The following CSMD1 variants were observed in gnomAD, a reference collection of about 807,000 sequenced individuals.
CSMD1 encodes CUB and sushi domain-containing protein 1.
CSMD1 carries 213 observed loss-of-function variants against 417.5 expected under a neutral mutation model. The ratio of observed to expected loss-of-function variants is 0.51; its 90% CI spans 0.46 to 0.57. CSMD1 has a LOEUF of 0.57. CSMD1 is among the 20% of genes least tolerant of loss of function. The pLI is 0.00. For missense variants in CSMD1, 6,923 were observed against 4,529.7 expected (o/e 1.53, Z -15.17); for synonymous variants, 2,862 against 1,736.8 (o/e 1.65, Z -16.11).
chr8:4,804,512 G>C (rs1292395503), intron 1 of CSMD1, among the ~76,000 whole-genome samples: 1 of 149,120 alleles, frequency 6.7e-6, no homozygotes, highest in Non-Finnish European at 1.5e-5. Context: ...ATTACCACCA[G>C]ACAAAAGAAT....
chr8:4,535,920 T>C (rs1343110016), intron 2 of CSMD1, among the ~76,000 whole-genome samples: 1 of 152,208 alleles, frequency 6.6e-6, no homozygotes, highest in Non-Finnish European at 1.5e-5. Flanking sequence ...TTGTTGATGT[T>C]TATAATAAGA....
chr8:4,312,411 G>GTA (rs1798671545), intron 3 of CSMD1, among the ~76,000 whole-genome samples: 2 of 102,572 alleles, frequency 1.9e-5, no homozygotes, highest in East Asian at 2.0e-4. Flanking sequence ...ATATATGCGT[G>GTA]TATATATATG....
At chr8:3,739,079 T>C (rs533819806) in intron 6 of CSMD1, among the ~76,000 whole-genome samples, 10 of 152,354 alleles carry the variant, frequency 6.6e-5, no homozygotes, top group Admixed American at 1.3e-4. Context: ...ACAGGTTTAA[T>C]TTCAAAATAG....
intron 3 of CSMD1, among the ~76,000 whole-genome samples, chr8:4,331,119 T>C (rs896606643): frequency 3.3e-5 from 5 of 152,192 alleles, no homozygotes; most frequent in African/African-American, 4.8e-5. Flanking sequence ...TGAAAATATA[T>C]TTCCCGAAAC....
intron 6 of CSMD1, among the ~76,000 whole-genome samples, chr8:3,719,927 C>T (rs1381608441): frequency 6.6e-6 from 1 of 152,140 alleles, no homozygotes; most frequent in African/African-American, 2.4e-5. Flanking sequence ...GCCTCTAAAT[C>T]GCAGATTCCT....
intron 7 of CSMD1, among the ~76,000 whole-genome samples, chr8:3,634,503 C>A (rs910202599): frequency 6.6e-6 from 1 of 152,200 alleles, no homozygotes; most frequent in East Asian, 1.9e-4. Flanking sequence ...TTTGAACCTG[C>A]TGTCTCCCGG....
chr8:4,646,272 G>A (rs1391799816), intron 1 of CSMD1, among the ~76,000 whole-genome samples: 1 of 151,966 alleles, frequency 6.6e-6, no homozygotes. Flanking sequence ...TGTATGTCAG[G>A]TATTTATTTA....
intron 5 of CSMD1, among the ~76,000 whole-genome samples, chr8:3,854,642 T>C (rs905126774): frequency 4.0e-5 from 6 of 151,480 alleles, no homozygotes; most frequent in African/African-American, 1.2e-4. Context: ...CCTTATGATA[T>C]AGAATCTGGA....
chr8:3,308,435 G>A lies in CSMD1; in HGVS notation c.3700C>T (p.His1234Tyr). The A allele has an allele frequency of 6.2e-7, 1 of 1,613,782 alleles. No individual in the cohort carries two copies. The highest frequency in any genetic ancestry group is 8.5e-7 in the Non-Finnish European group (1 of 1,179,788). Residue 1234 changes from histidine to tyrosine, a missense_variant, in exon 24 of 70, where the codon CAC becomes TAC. His to Tyr is a moderately conservative substitution (Grantham distance 83, BLOSUM62 2). Transcript: ENST00000635120. The part of the protein sequence containing the change: ...NYGYRIRDEG[H>Y]FTDTVVLYSC... ...TACAGAACTACAGTGTCGGTAAAGT[G>A]GCCTTCATCACGGATCCTATAGCCG...
intron 1 of CSMD1, among the ~76,000 whole-genome samples, chr8:4,640,619 G>A (rs1803129249): frequency 6.6e-6 from 1 of 152,092 alleles, no homozygotes; most frequent in Admixed American, 6.6e-5. Context: ...TAATGTAAAT[G>A]ATGTCCTTAA....
chr8:3,747,309 GC>G (rs1797109553), intron 6 of CSMD1, among the ~76,000 whole-genome samples: 1 of 152,118 alleles, frequency 6.6e-6, no homozygotes, highest in Admixed American at 6.5e-5. Context: ...ATTTTATGTG[GC>G]CCCATTTGCA....
At chr8:3,690,427 C>G (rs1160855618) in intron 7 of CSMD1, among the ~76,000 whole-genome samples, 4 of 152,188 alleles carry the variant, frequency 2.6e-5, no homozygotes, top group Admixed American at 2.0e-4. Context: ...GAAGCAATTT[C>G]TTCTGTATGT....
intron 5 of CSMD1, among the ~76,000 whole-genome samples, chr8:3,918,969 C>A (rs1809027302): frequency 6.6e-6 from 1 of 151,908 alleles, no homozygotes; most frequent in African/African-American, 2.4e-5. Flanking sequence ...TCTCACAAAT[C>A]ACCACTAAAA....
intron 1 of CSMD1, among the ~76,000 whole-genome samples, chr8:4,987,603 T>A (rs572154166): frequency 2.6e-5 from 4 of 152,350 alleles, no homozygotes; most frequent in African/African-American, 7.2e-5. Flanking sequence ...ATCTGACTGA[T>A]ATTTTATATA....
At chr8:4,783,611 G>A (rs1180312890) in intron 1 of CSMD1, among the ~76,000 whole-genome samples, 1 of 152,234 alleles carries the variant, frequency 6.6e-6, no homozygotes, top group African/African-American at 2.4e-5. Flanking sequence ...TCTCATTGCA[G>A]TGCCTCTTTT....
chr8:4,614,668 C>T (rs771699611), intron 2 of CSMD1, among the ~76,000 whole-genome samples: 10 of 152,026 alleles, frequency 6.6e-5, no homozygotes, highest in East Asian at 1.9e-4. Context: ...CACACACAAA[C>T]GCACACACAC....
chr8:3,464,651 A>C (rs1816699149), intron 12 of CSMD1, among the ~76,000 whole-genome samples: 1 of 150,680 alleles, frequency 6.6e-6, no homozygotes, highest in Non-Finnish European at 1.5e-5. Context: ...ATATATAGCA[A>C]ATTTATATAT....
intron 1 of CSMD1, among the ~76,000 whole-genome samples, chr8:4,689,389 T>C (rs1163810715): frequency 6.6e-6 from 1 of 152,200 alleles, no homozygotes. Context: ...ATATTTGTCA[T>C]CTAAAATTGT....
At chr8:3,856,145 T>G (rs1365666384) in intron 5 of CSMD1, among the ~76,000 whole-genome samples, 1 of 152,076 alleles carries the variant, frequency 6.6e-6, no homozygotes, top group Non-Finnish European at 1.5e-5. Context: ...GGGAGGTGAC[T>G]GGATTGTGGA....
Sources: gnomAD v4.1 joint callset for allele counts (sites outside exome capture counted in the v4.1 genomes callset) on GRCh38, gnomAD v4.1.1 for gene constraint, MANE v1.5 for transcripts, NCBI Gene and HGNC (gene_info 2026-07-23, HGNC 2026-07-21) for gene names.